Variants in VRTN observed in about 807,000 individuals in gnomAD.
The protein encoded by VRTN is vertebrae development associated.
A neutral mutation model predicts 18.2 loss-of-function variants in VRTN; 5 were observed. The observed-to-expected ratio is 0.27, with a 90% CI of 0.14 to 0.58. The LOEUF is 0.58. Ranked by LOEUF, VRTN falls within the 20% of genes least tolerant of loss-of-function variation. VRTN has a pLI of 0.91. For missense variants in VRTN, 741 were observed against 939.4 expected (o/e 0.79, Z 2.76); for synonymous variants, 381 against 393.7 (o/e 0.97, Z 0.38).
chr14:74,357,450 G>A lies in VRTN; in HGVS notation c.667G>A (p.Ala223Thr). 1 of 1,611,732 alleles carries A rather than the reference G, an allele frequency of 6.2e-7. No individual in the cohort carries two copies. Among genetic ancestry groups the A allele is most frequent in the Non-Finnish European group, 8.5e-7 (1 of 1,180,026 alleles). Residue 223 changes from alanine to threonine, a missense_variant, in exon 2 of 2, where the codon GCT becomes ACT. Physicochemically the swap from Ala to Thr is moderately conservative, Grantham distance 58 (BLOSUM62 0). Coordinates refer to ENST00000256362, the MANE Select transcript of VRTN (RefSeq NM_018228.3). The surrounding 1 kb of genome is among the most constrained non-coding windows in gnomAD (Gnocchi z 7.8). ...GCCCTCCACGCTGCACATCATGTGG[G>A]CTGGCCAGCCCCTCACCAGCCACTT... ...HVPSTLHIMW[A>T]GQPLTSHFFR...
intron 1 of VRTN, among the ~76,000 whole-genome samples, chr14:74,328,927 G>A (rs1429867878): frequency 6.6e-6 from 1 of 152,130 alleles, no homozygotes; most frequent in Non-Finnish European, 1.5e-5. Flanking sequence ...CTGAGGTCAG[G>A]GGTTTGAGAC....
Position 74,357,590 on chromosome 14 carries a change from G to A in VRTN, c.807G>A (p.Lys269=). Residue 269 remains lysine, a synonymous_variant, in exon 2 of 2, where the codon AAG becomes AAA. Coordinates refer to ENST00000256362, the MANE Select transcript of VRTN (RefSeq NM_018228.3). The surrounding 1 kb of genome is among the most constrained non-coding windows in gnomAD (Gnocchi z 7.8). ...PALAPLSSPA[K]TLELLNREPG... is the part of the protein sequence containing the mutation. ...TGGCCCCACTCTCATCGCCGGCCAA[G>A]ACCCTGGAGCTGCTCAACCGTGAAC... 6.2e-7 allele frequency: 1 copy of A among 1,613,982 alleles called. No individual in the cohort carries two copies. Among genetic ancestry groups the A allele is most frequent in the African/African-American group, 1.3e-5 (1 of 75,044 alleles).
At chr14:74,310,123 T>C (rs2140191449) in intron 1 of VRTN, among the ~76,000 whole-genome samples, 1 of 152,168 alleles carries the variant, frequency 6.6e-6, no homozygotes, top group East Asian at 1.9e-4. Flanking sequence ...GATGGCCGGG[T>C]GCCATGGCTC....
At chr14:74,319,056 C>A (rs1183759924) in intron 1 of VRTN, among the ~76,000 whole-genome samples, 1 of 150,920 alleles carries the variant, frequency 6.6e-6, no homozygotes, top group Non-Finnish European at 1.5e-5. Context: ...GAGATGGGGT[C>A]TCACTCTGTC....
chr14:74,333,210 C>G (rs1263468483), intron 1 of VRTN, among the ~76,000 whole-genome samples: 1 of 151,888 alleles, frequency 6.6e-6, no homozygotes, highest in Admixed American at 6.6e-5. Flanking sequence ...TGGTGAAACC[C>G]CGTCTCTACT....
In VRTN at chr14:74,357,760, G is replaced by T. The variant is rs201579420; in HGVS notation, c.977G>T (p.Arg326Leu). The change falls in exon 2 of 2, where the codon CGG (arginine) becomes CTG (leucine). Residue 326 changes from arginine (R) to leucine (L), a missense_variant. Arg to Leu is a moderately radical substitution (Grantham distance 102, BLOSUM62 -2). This residue lies in a region of VRTN where 494 missense variants were observed against 546.5 expected (regional missense o/e 0.90). Transcript: ENST00000256362. The surrounding 1 kb of genome is among the most constrained non-coding windows in gnomAD (Gnocchi z 7.8). ...CACTTCCTGCAGGACAGCTTCCACCGGGGGGGCGTCGTGCCACTTCAGCAG... is the reference window on the plus strand; with the variant it reads ...CACTTCCTGCAGGACAGCTTCCACCTGGGGGGCGTCGTGCCACTTCAGCAG... ...AKHFLQDSFH[R>L]GGVVPLQQFL... 1.9e-6 allele frequency: 3 copies of T among 1,612,362 alleles called. No individual in the cohort carries two copies. Among genetic ancestry groups the T allele is most frequent in the Non-Finnish European group, 2.5e-6 (3 of 1,179,960 alleles).
upstream of VRTN, among the ~76,000 whole-genome samples, chr14:74,347,227 A>G (rs2140209551): frequency 6.6e-6 from 1 of 152,288 alleles, no homozygotes; most frequent in South Asian, 2.1e-4. Flanking sequence ...GGGGTTAAAC[A>G]ATTTGCCCAA....
intron 1 of VRTN, among the ~76,000 whole-genome samples, chr14:74,351,756 C>CA (rs2085686258): frequency 6.6e-6 from 1 of 152,098 alleles, no homozygotes; most frequent in Admixed American, 6.6e-5. Flanking sequence ...TCTGGGATTA[C>CA]AGGCATGAGC....
At chr14:74,335,608 T>C (rs1406085100) in intron 1 of VRTN, among the ~76,000 whole-genome samples, 1 of 152,152 alleles carries the variant, frequency 6.6e-6, no homozygotes, top group Non-Finnish European at 1.5e-5. Flanking sequence ...AAATTAAGGC[T>C]CAGTAGAGCT....
chr14:74,357,972 C>G lies in VRTN; in HGVS notation c.1189C>G (p.Pro397Ala), dbSNP rs953877903. The G allele has an allele frequency of 1.2e-6, 2 of 1,614,168 alleles. No homozygotes were observed. The highest frequency in any genetic ancestry group is 3.3e-5 in the Admixed American group (2 of 60,022). Residue 397 changes from proline to alanine, a missense_variant, in exon 2 of 2, where the codon CCT becomes GCT. By Grantham distance (27) the Pro-to-Ala change is conservative. This residue lies in a region of VRTN where 494 missense variants were observed against 546.5 expected (regional missense o/e 0.90). Coordinates refer to ENST00000256362, the MANE Select transcript of VRTN (RefSeq NM_018228.3). This position sits in a 1 kb window ranked among gnomAD's most constrained non-coding sequence, Gnocchi z 7.8. Reference protein sequence around the residue: ...LECSALAVSSPGMVLMQRAKL... With the variant: ...LECSALAVSSAGMVLMQRAKL... ...GTGCTCCGCACTGGCGGTGTCAAGCCCTGGAATGGTCTTAATGCAGCGGGC... is the reference window on the plus strand; with the variant it reads ...GTGCTCCGCACTGGCGGTGTCAAGCGCTGGAATGGTCTTAATGCAGCGGGC...
intron 1 of VRTN, among the ~76,000 whole-genome samples, chr14:74,310,397 C>CAAA (rs1204317705): frequency 3.0e-4 from 18 of 59,408 alleles, no homozygotes; most frequent in Non-Finnish European, 4.0e-4. Flanking sequence ...AACTCTGTCT[C>CAAA]AAAAAAAAAA....
At position 74,359,607 on chromosome 14, in the gene VRTN, G is replaced by A. The variant is rs1032685529; in HGVS notation, c.*715G>A. The A allele has an allele frequency of 1.2e-5, 2 of 167,232 alleles. No homozygotes were observed. Among genetic ancestry groups the A allele is most frequent in the Non-Finnish European group, 2.9e-5 (2 of 68,220 alleles). The allele number at this position is 167,232 out of a possible 1,614,324, so 10.4% of individuals were successfully genotyped here. ...AAGGGAGAAGGTGCCAGGTCAGCAG[G>A]AGCAGCAGCAGGGATGTATAGAAAG... On this transcript the variant is annotated 3_prime_UTR_variant, in exon 2 of 2. Transcript: ENST00000256362.
At chr14:74,307,793 C>A (rs578199089) in intron 1 of VRTN, among the ~76,000 whole-genome samples, 18 of 151,864 alleles carry the variant, frequency 1.2e-4, no homozygotes, top group African/African-American at 4.1e-4. Flanking sequence ...TGCAGTGGCG[C>A]GATCTTGGCT....
At position 74,317,770 on chromosome 14, in the gene VRTN, C is replaced by A. The variant is rs368440847; in HGVS notation, c.-164+14594C>A. 1.2e-4 allele frequency among the ~76,000 whole-genome samples: 18 copies of A among 152,120 alleles called. No homozygotes were observed. The East Asian group carries it at 2.5e-3, about 21-fold the overall frequency. ...TGAGCAGAGTTCGTGCCACTATACT[C>A]CAGCCTGGAGGATACAGTGAGACTC... On this transcript the variant is annotated intron_variant, in intron 1 of 2. Coordinates refer to the VRTN transcript ENST00000557177.
intron 1 of VRTN, among the ~76,000 whole-genome samples, chr14:74,315,145 T>A (rs2085411934): frequency 6.6e-6 from 1 of 152,208 alleles, no homozygotes; most frequent in Non-Finnish European, 1.5e-5. Context: ...AGTATCAGCA[T>A]GCCAAAGTGC....
chr14:74,351,869 G>A (rs532935955), intron 1 of VRTN, among the ~76,000 whole-genome samples: 1 of 151,892 alleles, frequency 6.6e-6, no homozygotes, highest in South Asian at 2.1e-4. Flanking sequence ...TTTTGAGACG[G>A]AGTCTCGCTC....
chr14:74,310,136 G>A (rs375451294), intron 1 of VRTN, among the ~76,000 whole-genome samples: 84 of 152,252 alleles, frequency 5.5e-4, no homozygotes, highest in African/African-American at 1.9e-3. Context: ...CATGGCTCAC[G>A]CCTGTAATCC....
At chr14:74,334,713 G>C (rs1441816227) in intron 1 of VRTN, among the ~76,000 whole-genome samples, 3 of 152,128 alleles carry the variant, frequency 2.0e-5, no homozygotes, top group Non-Finnish European at 4.4e-5. Context: ...ATTATATTCT[G>C]TGCCTTGTAA....
chr14:74,347,926 C>A (rs1249872127), upstream of VRTN, among the ~76,000 whole-genome samples: 2 of 152,120 alleles, frequency 1.3e-5, no homozygotes, highest in African/African-American at 4.8e-5. Context: ...GGAGATGCAG[C>A]CTTTAGAGAA....
Sources: allele counts gnomAD v4.1 joint callset (sites outside exome capture counted in the v4.1 genomes callset), GRCh38; gene constraint gnomAD v4.1.1; regional missense constraint gnomAD v4.1.1; non-coding constraint Gnocchi (gnomAD v3.1); transcripts MANE v1.5; gene names NCBI Gene and HGNC (gene_info 2026-07-23, HGNC 2026-07-21).